The following SLC35G1 variants were observed in gnomAD, a reference collection of about 807,000 sequenced individuals.
SLC35G1 encodes partner of STIM1.
In SLC35G1, 10 loss-of-function variants were observed where a neutral mutation model predicts 17.1. That is an observed-to-expected ratio of 0.59 (90% confidence interval 0.36 to 0.99). The LOEUF is 0.99. SLC35G1 is among the 50% of genes least tolerant of loss of function. The probability of loss-of-function intolerance (pLI) is 0.01; values close to 1 mark genes in which losing one functional copy is unlikely to be tolerated. For missense variants in SLC35G1, 433 were observed against 468.4 expected (o/e 0.92, Z 0.70); for synonymous variants, 185 against 181.1 (o/e 1.02, Z -0.18).
At position 93,894,037 on chromosome 10, in the gene SLC35G1, C is replaced by T. The variant is rs992877667; in HGVS notation, c.4C>T (p.Arg2Trp). 1.4e-6 allele frequency: 2 copies of T among 1,434,262 alleles called. No homozygotes were observed. Among genetic ancestry groups the T allele is most frequent in the Non-Finnish European group, 9.1e-7 (1 of 1,099,872 alleles). The allele number at this position is 1,434,262 out of a possible 1,614,324, so 88.8% of individuals were successfully genotyped here. Reference sequence around the variant, plus strand: ...CTGGTAGAGCGCGTGCCGCGAGATGCGGCCTCAGGACAGCACCGGGGTCGC... The same window carrying T: ...CTGGTAGAGCGCGTGCCGCGAGATGTGGCCTCAGGACAGCACCGGGGTCGC... M[R>W]PQDSTGVAEL... Residue 2 changes from arginine to tryptophan, a missense_variant, in exon 1 of 3, where the codon CGG (arginine) becomes TGG (tryptophan). Coordinates refer to ENST00000427197, the MANE Select transcript of SLC35G1 (RefSeq NM_001134658.3).
chr10:93,897,965 A>G (rs184963214), intron 1 of SLC35G1, among the ~76,000 whole-genome samples: 157 of 152,336 alleles, frequency 1.0e-3, no homozygotes, highest in Non-Finnish European at 2.0e-3. Context: ...GCTGTTGCCG[A>G]TAGTGTTAGA....
At chr10:93,894,295 GC>G in intron 1 of SLC35G1, 84 bp downstream of exon 1, 1 of 1,239,320 alleles carries the variant, frequency 8.1e-7, no homozygotes, top group South Asian at 2.3e-5. Flanking sequence ...CGCAACCCGG[GC>G]ACAGTGCCCG....
chr10:93,903,812 TGAAA>T lies in SLC35G1; in HGVS notation c.*2328_*2331del, dbSNP rs1311927566. 2 of 152,218 alleles carry T rather than the reference TGAAA, an allele frequency of 1.3e-5. No individual in the cohort carries two copies. Among genetic ancestry groups the T allele is most frequent in the Non-Finnish European group, 2.9e-5 (2 of 68,032 alleles). The allele number at this position is 152,218 out of a possible 1,614,324, so 9.4% of individuals were successfully genotyped here. On this transcript the variant is annotated 3_prime_UTR_variant, in exon 3 of 3. Transcript: ENST00000427197. ...TTTTATAAGTACTAATAAAATAATA[TGAAA>T]GAAAGCTATATGTTGGTTGTTATGA...
intron 1 of SLC35G1, among the ~76,000 whole-genome samples, chr10:93,898,312 G>A (rs768150989): frequency 3.3e-5 from 5 of 152,186 alleles, no homozygotes; most frequent in Non-Finnish European, 5.9e-5. Flanking sequence ...TGTAAGTGAG[G>A]ATGATTCTTC....
intron 1 of SLC35G1, among the ~76,000 whole-genome samples, chr10:93,895,670 A>G (rs985955156): frequency 6.6e-6 from 1 of 152,236 alleles, no homozygotes; most frequent in Non-Finnish European, 1.5e-5. Flanking sequence ...TACTGTTGTC[A>G]TTGAACTTTG....
rs776592006 is a variant in SLC35G1, at chr10:93,901,147, TTC to T, written c.757_758del (p.Leu253GlufsTer12). ...AAAATGGGAAAATCTGTGGACTACTTTCTGAGCATTTGGTATTATGTAGTACT... is the reference window on the plus strand; with the variant it reads ...AAAATGGGAAAATCTGTGGACTACTTTGAGCATTTGGTATTATGTAGTACT... On this transcript the variant is annotated frameshift_variant, in exon 3 of 3. Coordinates refer to ENST00000427197, the MANE Select transcript of SLC35G1 (RefSeq NM_001134658.3). LOFTEE classifies it low-confidence loss of function (END_TRUNC). 2.5e-6 allele frequency: 4 copies of T among 1,614,102 alleles called. No individual in the cohort carries two copies. In the South Asian group the frequency reaches 4.4e-5, roughly 18 times the overall value.
At chr10:93,895,660 T>C (rs561834634) in intron 1 of SLC35G1, among the ~76,000 whole-genome samples, 1 of 152,362 alleles carries the variant, frequency 6.6e-6, no homozygotes, top group African/African-American at 2.4e-5. Flanking sequence ...AAAAACACTT[T>C]ACTGTTGTCA....
Position 93,901,064 on chromosome 10 carries a change from A to G in SLC35G1, c.672A>G (p.Gly224=). The G allele has an allele frequency of 6.2e-7, 1 of 1,614,112 alleles. No homozygotes were observed. The highest frequency in any genetic ancestry group is 8.5e-7 in the Non-Finnish European group (1 of 1,179,980). The change falls in exon 3 of 3, where the codon GGA becomes GGG. Residue 224 remains glycine (G), a synonymous_variant. Transcript: ENST00000427197. ...MEESYSGHLK[G]TFAAIGSAVF... ...AAAGCTATTCAGGCCACCTTAAGGGAACATTCGCAGCAATTGGAAGTGCCG... is the reference window on the plus strand; with the variant it reads ...AAAGCTATTCAGGCCACCTTAAGGGGACATTCGCAGCAATTGGAAGTGCCG...
chr10:93,900,111 G>A (rs1366821539), intron 2 of SLC35G1, among the ~76,000 whole-genome samples: 4 of 152,114 alleles, frequency 2.6e-5, no homozygotes, highest in African/African-American at 9.7e-5. Flanking sequence ...TTGAATAGCA[G>A]TAATCATACT....
chr10:93,900,642 C>G (rs989687962), intron 2 of SLC35G1, 110 bp from the exon 3 acceptor site: 16 of 824,910 alleles, frequency 1.9e-5, no homozygotes, highest in Non-Finnish European at 2.5e-5. Flanking sequence ...ATTTACTATT[C>G]CCTCATTTTT....
At position 93,901,285 on chromosome 10, in the gene SLC35G1, G is replaced by T; in HGVS notation, c.893G>T (p.Gly298Val). 6.2e-7 allele frequency: 1 copy of T among 1,613,852 alleles called. No homozygotes were observed. The highest frequency in any genetic ancestry group is 8.5e-7 in the Non-Finnish European group (1 of 1,179,892). Residue 298 changes from glycine (G) to valine (V), a missense_variant, in exon 3 of 3, where the codon GGT becomes GTT. Gly to Val is a moderately radical substitution (Grantham distance 109, BLOSUM62 -3). Coordinates refer to ENST00000427197, the MANE Select transcript of SLC35G1 (RefSeq NM_001134658.3). ...TTCATTGGGCTCTTTGGTTTGGGGG[G>T]TCAGATATTTATCACAAAAGCACTT... ...LIFIGLFGLG[G>V]QIFITKALQI...
chr10:93,908,237 C>G (rs1236630727), downstream of SLC35G1: 1 of 152,260 alleles, frequency 6.6e-6, no homozygotes, highest in East Asian at 1.9e-4. Context: ...CTCATCCCAG[C>G]CAAGAGCTTC....
chr10:93,905,999 G>A (rs540333608), downstream of SLC35G1, among the ~76,000 whole-genome samples: 511 of 152,240 alleles, frequency 3.4e-3, 1 homozygote, highest in African/African-American at 0.011. Context: ...TAACCAGAAG[G>A]CCTGTATCTG....
In SLC35G1 at chr10:93,894,912, C is replaced by T. The variant is rs112187087; in HGVS notation, c.178+701C>T. ...GCTTTTGGGTTTTCGTTTGCTTTGTCTCCTCCAAGATGTGGAACGTGGGGG... is the reference window on the plus strand; with the variant it reads ...GCTTTTGGGTTTTCGTTTGCTTTGTTTCCTCCAAGATGTGGAACGTGGGGG... On this transcript the variant is annotated intron_variant, in intron 1 of 2. Coordinates refer to ENST00000427197, the MANE Select transcript of SLC35G1 (RefSeq NM_001134658.3). Among the ~76,000 whole-genome samples the T allele has an allele frequency of 1.8e-3, 269 of 152,238 alleles. 1 individual carries two copies. Among genetic ancestry groups the T allele is most frequent in the African/African-American group, 6.2e-3 (257 of 41,556 alleles).
rs1173762083 is a variant in SLC35G1 at position 93,900,969 on chromosome 10, A to G, written c.577A>G (p.Thr193Ala). The change falls in exon 3 of 3, where the codon ACA becomes GCA. Residue 193 changes from threonine (T) to alanine (A), a missense_variant. By Grantham distance (58) the Thr-to-Ala change is moderately conservative. Transcript: ENST00000427197. The part of the protein sequence containing the change: ...SPWDALFTVF[T>A]ITGVILIVRP... ...TTGGGATGCTCTTTTCACCGTGTTC[A>G]CAATCACTGGAGTGATCCTTATCGT... 2 of 1,614,088 alleles carry G rather than the reference A, an allele frequency of 1.2e-6. No individual in the cohort carries two copies. Among genetic ancestry groups the G allele is most frequent in the Non-Finnish European group, 1.7e-6 (2 of 1,179,984 alleles).
downstream of SLC35G1, among the ~76,000 whole-genome samples, chr10:93,905,209 A>T (rs10882364): frequency 0.46 from 70,557 of 151,844 alleles, 17,136 homozygotes; most frequent in East Asian, 0.84. Context: ...CTCGGTAAGC[A>T]TATTTACTCT....
chr10:93,895,547 T>C (rs1031925931), intron 1 of SLC35G1, among the ~76,000 whole-genome samples: 1 of 152,242 alleles, frequency 6.6e-6, no homozygotes. Flanking sequence ...TACGTGAGTG[T>C]ATCTAAGAAT....
Position 93,894,150 on chromosome 10 carries a change from G to A in SLC35G1, c.117G>A (p.Ala39=), listed in dbSNP as rs761412580. 1 of 1,482,548 alleles carries A rather than the reference G, an allele frequency of 6.7e-7. No individual in the cohort carries two copies. Among genetic ancestry groups the A allele is most frequent in the Non-Finnish European group, 8.9e-7 (1 of 1,123,964 alleles). 91.8% of individuals were successfully genotyped at this position (1,482,548 alleles called of 1,614,324 possible). The change falls in exon 1 of 3, where the codon GCG becomes GCA. Residue 39 remains alanine (A), a synonymous_variant. Coordinates refer to ENST00000427197, the MANE Select transcript of SLC35G1 (RefSeq NM_001134658.3). ...CGGCGGCCGCCGAGGCAGCTGGGGC[G>A]CCAGACCGCGGTAGGTGCTGGCTCT... ...EEPAAAEAAG[A]PDRGRCWLCL...
exon 3 of SLC35G1, chr10:93,909,444 T>C (rs1205179495): frequency 6.7e-6 from 1 of 149,910 alleles, no homozygotes; most frequent in Non-Finnish European, 1.5e-5. Context: ...TAATTAATAA[T>C]ATATCTGTGT....
Sources: gnomAD v4.1 joint callset for allele counts (sites outside exome capture counted in the v4.1 genomes callset) on GRCh38, gnomAD v4.1.1 for gene constraint, MANE v1.5 for transcripts, NCBI Gene and HGNC (gene_info 2026-07-23, HGNC 2026-07-21) for gene names.